BICD1: variants seen among roughly 807,000 people sequenced by gnomAD.
BICD1 encodes the protein protein bicaudal D homolog 1.
In BICD1, 35 loss-of-function variants were observed where a neutral mutation model predicts 92.5. The ratio of observed to expected loss-of-function variants is 0.38; its 90% CI spans 0.29 to 0.50. The LOEUF is 0.50. Ranked by LOEUF, BICD1 falls within the 20% of genes least tolerant of loss-of-function variation. The pLI, the probability that BICD1 is intolerant of heterozygous loss-of-function variation, is 0.93. For synonymous variants in BICD1, 429 were observed against 465.1 expected, an observed-to-expected ratio of 0.92 and a Z score of 1.00; for missense variants, 950 against 1,189.8, an observed-to-expected ratio of 0.80 and a Z score of 2.97.
intron 4 of BICD1, among the ~76,000 whole-genome samples, chr12:32,320,487 C>G (rs1330227506): frequency 2.0e-5 from 3 of 151,966 alleles, no homozygotes; most frequent in Admixed American, 6.6e-5. Context: ...ACTAAAAATA[C>G]AAAAATTAGC....
chr12:32,246,076 C>T (rs1946378726), intron 2 of BICD1, among the ~76,000 whole-genome samples: 1 of 115,208 alleles, frequency 8.7e-6, no homozygotes, highest in South Asian at 3.1e-4. Flanking sequence ...GAAATCACAA[C>T]TTGGAGCAAA....
chr12:32,205,733 A>G (rs774315176), intron 1 of BICD1, among the ~76,000 whole-genome samples: 1 of 74,706 alleles, frequency 1.3e-5, no homozygotes, highest in Non-Finnish European at 3.0e-5. Flanking sequence ...CAATTTTGAC[A>G]TATGTATATA....
At chr12:32,183,482 G>C (rs1944340570) in intron 1 of BICD1, among the ~76,000 whole-genome samples, 1 of 151,836 alleles carries the variant, frequency 6.6e-6, no homozygotes, top group South Asian at 2.1e-4. Context: ...GGCCAGGCTG[G>C]TCTTGAACTC....
chr12:32,280,648 T>G (rs1241119936), intron 2 of BICD1, among the ~76,000 whole-genome samples: 1 of 152,230 alleles, frequency 6.6e-6, no homozygotes. Flanking sequence ...GCATCTGCTA[T>G]TTCTCCATTG....
chr12:32,274,664 C>A (rs574273938), intron 2 of BICD1, among the ~76,000 whole-genome samples: 27 of 152,094 alleles, frequency 1.8e-4, no homozygotes, highest in African/African-American at 6.0e-4. Context: ...GAAACTATGA[C>A]CTAAAGACAG....
At chr12:32,306,372 T>G (rs1304743401) in intron 4 of BICD1, among the ~76,000 whole-genome samples, 1 of 151,988 alleles carries the variant, frequency 6.6e-6, no homozygotes, top group Non-Finnish European at 1.5e-5. Flanking sequence ...GCCTCCCGAG[T>G]AGCTGGGACT....
At chr12:32,162,229 A>C (rs969852200) in intron 1 of BICD1, among the ~76,000 whole-genome samples, 5 of 152,256 alleles carry the variant, frequency 3.3e-5, no homozygotes, top group Non-Finnish European at 7.3e-5. Flanking sequence ...TGAAATGTGC[A>C]GGTTTTAATA....
intron 3 of BICD1, among the ~76,000 whole-genome samples, chr12:32,298,579 A>C (rs548197685): frequency 2.7e-5 from 4 of 148,594 alleles, no homozygotes; most frequent in Non-Finnish European, 6.0e-5. Context: ...CAAAAAAAAA[A>C]AAAAAAAGAG....
chr12:32,198,336 A>C (rs1592460303), intron 1 of BICD1, among the ~76,000 whole-genome samples: 1 of 136,908 alleles, frequency 7.3e-6, no homozygotes, highest in African/African-American at 2.6e-5. Flanking sequence ...CTATCTATAT[A>C]TATATATATA....
chr12:32,374,388 C>T (rs943586749), intron 9 of BICD1, among the ~76,000 whole-genome samples: 1 of 151,078 alleles, frequency 6.6e-6, no homozygotes, highest in Non-Finnish European at 1.5e-5. Flanking sequence ...GTTTTTTTTA[C>T]TATATGTGCT....
chr12:32,242,215 CAAAAAAAAAAAAAAA>C (rs4001812), intron 2 of BICD1, among the ~76,000 whole-genome samples: 1 of 47,730 alleles, frequency 2.1e-5, no homozygotes, highest in Non-Finnish European at 3.4e-5. Flanking sequence ...GACCCTGTCT[CAAAAAAAAAAAAAAA>C]AAAAAAAAAA....
intron 1 of BICD1, among the ~76,000 whole-genome samples, chr12:32,199,647 T>A (rs1944846662): frequency 6.6e-6 from 1 of 152,184 alleles, no homozygotes; most frequent in Non-Finnish European, 1.5e-5. Context: ...GTGATTAACT[T>A]CTTCTAATCT....
chr12:32,207,856 A>G (rs887065681), intron 1 of BICD1, among the ~76,000 whole-genome samples: 2 of 152,212 alleles, frequency 1.3e-5, no homozygotes, highest in African/African-American at 4.8e-5. Flanking sequence ...CTCCTTTCCT[A>G]GCAGGAGGTT....
Position 32,378,457 on chromosome 12 carries a change from T to G in BICD1, c.*830T>G, listed in dbSNP as rs1357407561. On this transcript the variant is annotated 3_prime_UTR_variant, in exon 10 of 10. Transcript: ENST00000652176. ...TATTTTTTCATTGCAGTTGAGTAGA[T>G]GTACTGGTGCTGCTCCTTTGTATGT... 1 of 152,210 alleles carries G rather than the reference T, an allele frequency of 6.6e-6. No homozygotes were observed. The highest frequency in any genetic ancestry group is 1.9e-4 in the East Asian group (1 of 5,202). 9.4% of individuals were successfully genotyped at this position (152,210 alleles called of 1,614,324 possible). A position where few individuals can be genotyped will look rare whatever the true frequency, so the allele number is the denominator to read the frequency against.
intron 4 of BICD1, among the ~76,000 whole-genome samples, chr12:32,322,026 A>G (rs1270006562): frequency 6.6e-6 from 1 of 152,100 alleles, no homozygotes; most frequent in Non-Finnish European, 1.5e-5. Flanking sequence ...AAATAAATAA[A>G]TAAAACAGTT....
At chr12:32,376,885 G>T (rs1032377033) in intron 9 of BICD1, among the ~76,000 whole-genome samples, 3 of 142,908 alleles carry the variant, frequency 2.1e-5, no homozygotes, top group Admixed American at 7.1e-5. Flanking sequence ...AAGGGGGGGG[G>T]GGGTGAAATA....
Position 32,328,685 on chromosome 12 carries a change from G to T in BICD1, c.2100+130G>T. 8.0e-7 allele frequency: 1 copy of T among 1,243,062 alleles called. No individual in the cohort carries two copies. Among genetic ancestry groups the T allele is most frequent in the East Asian group, 2.4e-5 (1 of 41,300 alleles). 77.0% of individuals were successfully genotyped at this position (1,243,062 alleles called of 1,614,324 possible). On this transcript the variant is annotated intron_variant, in intron 5 of 9. Transcript: ENST00000652176. The surrounding 1 kb of genome is among the most constrained non-coding windows in gnomAD (Gnocchi z 4.4). ...TCTTGGTAAGTGGATAAATAAAACT[G>T]TCCCAGTGCCAGATCAGAATGTCAT...
In BICD1 at chr12:32,334,672, CAG is replaced by C. The variant is rs770497682; in HGVS notation, c.2252+6_2252+7del. ...GAGAGCAATGTTTGCAACAAGGTAA[CAG>C]TATTTTCTTCCTATGACTGGGTGTG... is the stretch of plus-strand genomic sequence containing the variant. On this transcript the variant is annotated splice_donor_region_variant and intron_variant, in intron 6 of 9. Coordinates refer to ENST00000652176, the MANE Select transcript of BICD1 (RefSeq NM_001714.4). The C allele has an allele frequency of 2.1e-5, 33 of 1,606,492 alleles. No homozygotes were observed. The African/African-American group carries it at 4.0e-4, about 20-fold the overall frequency.
Position 32,216,336 on chromosome 12 carries a change from G to A in BICD1, c.303G>A (p.Lys101=), listed in dbSNP as rs565484574. ...CGCTTCTGCAGGAGTCAGCATCGAA[G>A]GAGGCTTACTATCTGGGGAAGATCT... ...EETLLQESAS[K]EAYYLGKILE... is the part of the protein sequence containing the mutation. Residue 101 remains lysine, a synonymous_variant, in exon 2 of 10, where the codon AAG becomes AAA. Transcript: ENST00000652176. 37 of 1,614,180 alleles carry A rather than the reference G, an allele frequency of 2.3e-5. No individual in the cohort carries two copies. In the South Asian group the frequency reaches 3.5e-4, roughly 15 times the overall value.
Sources: allele counts gnomAD v4.1 joint callset (sites outside exome capture counted in the v4.1 genomes callset), GRCh38; gene constraint gnomAD v4.1.1; non-coding constraint Gnocchi (gnomAD v3.1); transcripts MANE v1.5; gene names NCBI Gene and HGNC (gene_info 2026-07-23, HGNC 2026-07-21).